The following ZFPM2 variants were observed in gnomAD, a reference collection of about 807,000 sequenced individuals.
ZFPM2 encodes zinc finger protein, FOG family member 2.
In ZFPM2, 20 loss-of-function variants were observed where a neutral mutation model predicts 98.6. The observed-to-expected ratio is 0.20, with a 90% CI of 0.14 to 0.29. ZFPM2 has a LOEUF of 0.29. ZFPM2 is among the 10% of genes least tolerant of loss of function. ZFPM2 has a pLI of 1.00. For missense variants in ZFPM2, 1,310 were observed against 1,388.6 expected, an observed-to-expected ratio of 0.94 and a Z score of 0.90; for synonymous variants, 518 against 502.7, an observed-to-expected ratio of 1.03 and a Z score of -0.41.
intron 1 of ZFPM2, among the ~76,000 whole-genome samples, chr8:105,349,071 G>A (rs1763530210): frequency 6.6e-6 from 1 of 152,170 alleles, no homozygotes; most frequent in Admixed American, 6.5e-5. Flanking sequence ...AGCCCAAGGA[G>A]CCTGGGTTTA....
At chr8:105,699,993 A>G (rs1489760806) in intron 5 of ZFPM2, among the ~76,000 whole-genome samples, 1 of 152,228 alleles carries the variant, frequency 6.6e-6, no homozygotes, top group African/African-American at 2.4e-5. Context: ...TAACAAAGTA[A>G]TTAAAATGTA....
At chr8:105,627,412 A>G (rs1816679311) in intron 4 of ZFPM2, among the ~76,000 whole-genome samples, 1 of 152,276 alleles carries the variant, frequency 6.6e-6, no homozygotes, top group Admixed American at 6.5e-5. Context: ...AAAGTGCACA[A>G]GATTTCTTTT....
intron 4 of ZFPM2, among the ~76,000 whole-genome samples, chr8:105,599,561 GATCAGAGT>G (rs1351874860): frequency 6.6e-6 from 1 of 151,962 alleles, no homozygotes; most frequent in Non-Finnish European, 1.5e-5. Flanking sequence ...CTGATCAGAG[GATCAGAGT>G]ATCAAGGAAG....
chr8:105,400,593 A>G (rs1811320773), intron 1 of ZFPM2, among the ~76,000 whole-genome samples: 1 of 152,172 alleles, frequency 6.6e-6, no homozygotes, highest in Admixed American at 6.6e-5. Context: ...TGCTAAATGT[A>G]CTGGATGGTG....
intron 3 of ZFPM2, among the ~76,000 whole-genome samples, chr8:105,510,197 A>G (rs1443296777): frequency 6.6e-6 from 1 of 152,152 alleles, no homozygotes; most frequent in Admixed American, 6.5e-5. Flanking sequence ...ACAGCCTTGT[A>G]TATCTAAATA....
chr8:105,484,712 C>G (rs1027255997), intron 3 of ZFPM2, among the ~76,000 whole-genome samples: 5 of 152,112 alleles, frequency 3.3e-5, no homozygotes, highest in African/African-American at 1.2e-4. Context: ...ATTATAAGGG[C>G]CTGTCCCTGT....
At chr8:105,400,765 A>C (rs1015785947) in intron 1 of ZFPM2, among the ~76,000 whole-genome samples, 1 of 152,102 alleles carries the variant, frequency 6.6e-6, no homozygotes, top group African/African-American at 2.4e-5. Flanking sequence ...CACTAGTCAC[A>C]TATAGATATT....
rs111434410 is a variant in ZFPM2, at chr8:105,787,941, A to T, written c.533-777A>T. On this transcript the variant is annotated intron_variant, in intron 5 of 7. Coordinates refer to ENST00000407775, the MANE Select transcript of ZFPM2 (RefSeq NM_012082.4). ...TTAATTTTTCTTTTTAATGCACAAC[A>T]TGTGATCGTTGACATGCAGTGCCAG... Among the ~76,000 whole-genome samples, 762 of 152,300 alleles carry T rather than the reference A, an allele frequency of 5.0e-3. 2 individuals are homozygous for T. The highest frequency in any genetic ancestry group is 0.018 in the African/African-American group (734 of 41,562).
At chr8:105,537,153 G>C (rs1814469704) in intron 3 of ZFPM2, among the ~76,000 whole-genome samples, 1 of 152,088 alleles carries the variant, frequency 6.6e-6, no homozygotes. Context: ...ATTGTAATTA[G>C]AGTCTTAATC....
chr8:105,451,038 C>T (rs2130252514), intron 3 of ZFPM2, among the ~76,000 whole-genome samples: 1 of 151,912 alleles, frequency 6.6e-6, no homozygotes, highest in African/African-American at 2.4e-5. Flanking sequence ...CTTTGATTCA[C>T]AAACAACTTT....
chr8:105,566,050 A>G (rs1327334331), intron 4 of ZFPM2, among the ~76,000 whole-genome samples: 1 of 152,126 alleles, frequency 6.6e-6, no homozygotes, highest in Admixed American at 6.6e-5. Context: ...GTCTGCAGGG[A>G]GGCCAGTCTT....
chr8:105,599,630 G>T (rs1673873219), intron 4 of ZFPM2, among the ~76,000 whole-genome samples: 1 of 152,172 alleles, frequency 6.6e-6, no homozygotes, highest in Admixed American at 6.5e-5. Context: ...TTGCGGCAAT[G>T]GCAGGCCTTT....
At chr8:105,336,281 G>T (rs967979589) in intron 1 of ZFPM2, among the ~76,000 whole-genome samples, 1 of 151,702 alleles carries the variant, frequency 6.6e-6, no homozygotes, top group Non-Finnish European at 1.5e-5. Flanking sequence ...AAGGGCTGTT[G>T]AGAGGATTCA....
intron 3 of ZFPM2, among the ~76,000 whole-genome samples, chr8:105,475,366 A>G (rs1422033613): frequency 2.0e-5 from 3 of 152,218 alleles, no homozygotes; most frequent in East Asian, 3.9e-4. Flanking sequence ...ATTAGGAAAC[A>G]CTTCGGTGCT....
At chr8:105,572,239 G>A (rs537050531) in intron 4 of ZFPM2, among the ~76,000 whole-genome samples, 10 of 151,768 alleles carry the variant, frequency 6.6e-5, no homozygotes, top group Non-Finnish European at 1.3e-4. Flanking sequence ...GGGTTTCACC[G>A]TGTTAGCCAG....
At chr8:105,686,918 G>A (rs1298027598) in intron 5 of ZFPM2, among the ~76,000 whole-genome samples, 1 of 152,086 alleles carries the variant, frequency 6.6e-6, no homozygotes, top group Non-Finnish European at 1.5e-5. Flanking sequence ...CCTTCACTTT[G>A]TGTGGCAGAA....
chr8:105,789,694 C>A lies in ZFPM2; in HGVS notation c.739+770C>A, dbSNP rs1471818746. 4.6e-4 allele frequency among the ~76,000 whole-genome samples: 70 copies of A among 152,234 alleles called. 1 individual carries two copies. The highest frequency in any genetic ancestry group is 7.1e-4 in the Non-Finnish European group (48 of 68,024). The stretch of plus-strand genomic sequence containing the variant: ...CACAATGGTTGAACTAGTTTACAGT[C>A]CCCCCAACAGTGTAAAAGTGTTCCT... On this transcript the variant is annotated intron_variant, in intron 6 of 7. Coordinates refer to ENST00000407775, the MANE Select transcript of ZFPM2 (RefSeq NM_012082.4).
intron 3 of ZFPM2, among the ~76,000 whole-genome samples, chr8:105,535,725 C>G (rs1414218967): frequency 1.3e-5 from 2 of 152,160 alleles, no homozygotes; most frequent in Admixed American, 6.6e-5. Context: ...TTCAGATGCT[C>G]AGCCCTGGAG....
chr8:105,720,829 G>T (rs747482678), intron 5 of ZFPM2, among the ~76,000 whole-genome samples: 1 of 151,822 alleles, frequency 6.6e-6, no homozygotes, highest in East Asian at 2.0e-4. Flanking sequence ...TCCACATTTC[G>T]GATGGGCTCT....
Sources: allele counts gnomAD v4.1 joint callset (sites outside exome capture counted in the v4.1 genomes callset), GRCh38; gene constraint gnomAD v4.1.1; transcripts MANE v1.5; gene names NCBI Gene and HGNC (gene_info 2026-07-23, HGNC 2026-07-21).